Variants in PCDH15 observed in about 807,000 individuals in gnomAD.
PCDH15 encodes the protein protocadherin-15.
Under a neutral mutation model 178.5 loss-of-function variants are expected in PCDH15, and 129 were observed. The ratio of observed to expected loss-of-function variants is 0.72; its 90% CI spans 0.63 to 0.84. The LOEUF (loss-of-function observed/expected upper bound fraction) is 0.84. Among genes scored for constraint, PCDH15 ranks in the 40% least tolerant of loss-of-function variants. PCDH15 has a pLI of 0.00. For missense variants in PCDH15, 2,230 were observed against 2,099.9 expected (o/e 1.06, Z -1.21); for synonymous variants, 800 against 732.0 (o/e 1.09, Z -1.50).
intron 2 of PCDH15, among the ~76,000 whole-genome samples, chr10:55,336,568 A>C (rs1449608437): frequency 1.3e-5 from 2 of 152,190 alleles, no homozygotes; most frequent in Non-Finnish European, 1.5e-5. Flanking sequence ...TAAAACCTTT[A>C]TTCCAGAGGG....
rs1196654410 is a variant in PCDH15 at position 54,062,245 on chromosome 10, A to C, written c.2220+4512T>G. 1.0e-4 allele frequency among the ~76,000 whole-genome samples: 15 copies of C among 143,998 alleles called. No homozygotes were observed. The East Asian group carries it at 1.8e-3, about 17-fold the overall frequency. 94.5% of individuals were successfully genotyped at this position (143,998 alleles called of 152,430 possible). A position where few individuals can be genotyped will look rare whatever the true frequency, so the allele number is the denominator to read the frequency against. ...TCTGTCTCAAAAAAAAAAAAAAAAA[A>C]AAAAAAACAAAAAACAACTAAATGA... On this transcript the variant is annotated intron_variant, in intron 18 of 37. Coordinates refer to ENST00000644397, the MANE Select transcript of PCDH15 (RefSeq NM_001384140.1).
intron 17 of PCDH15, among the ~76,000 whole-genome samples, chr10:54,073,529 G>A (rs374127002): frequency 6.6e-6 from 1 of 152,068 alleles, no homozygotes. Flanking sequence ...ATATTGCCAT[G>A]TTTCAAAGAA....
intron 26 of PCDH15, among the ~76,000 whole-genome samples, chr10:53,888,304 A>ACATATATCTATATATG: frequency 1.1e-5 from 1 of 88,976 alleles, no homozygotes; most frequent in East Asian, 3.4e-4. Flanking sequence ...ATATATATAT[A>ACATATATCTATATATG]TATATGTATA....
At chr10:54,392,898 CAA>C (rs35154394) in intron 3 of PCDH15, among the ~76,000 whole-genome samples, 1,133 of 72,244 alleles carry the variant, frequency 0.016, 8 homozygotes, top group African/African-American at 0.04. Flanking sequence ...GACTCAGGCT[CAA>C]AAAAAAAAAA....
chr10:54,217,048 C>T (rs1456375909), intron 9 of PCDH15, among the ~76,000 whole-genome samples: 1 of 152,080 alleles, frequency 6.6e-6, no homozygotes, highest in Non-Finnish European at 1.5e-5. Context: ...GGAATACATA[C>T]ACACATTTAA....
At chr10:54,436,789 T>A (rs914398628) in intron 3 of PCDH15, among the ~76,000 whole-genome samples, 2 of 137,670 alleles carry the variant, frequency 1.5e-5, no homozygotes, top group African/African-American at 5.5e-5. Context: ...ACCACATAAT[T>A]TTATAACTAA....
chr10:54,020,473 G>T, intron 19 of PCDH15, 57 bp from the exon 20 acceptor site: 1 of 1,494,250 alleles, frequency 6.7e-7, no homozygotes, highest in Non-Finnish European at 9.3e-7. Context: ...AAGAAATGCA[G>T]GAAGGATGGA....
At chr10:54,888,789 CT>C (rs59914980) in intron 3 of PCDH15, among the ~76,000 whole-genome samples, 1,601 of 110,040 alleles carry the variant, frequency 0.015, 8 homozygotes, top group Middle Eastern at 0.022. Flanking sequence ...TTCATTTTTT[CT>C]TTTTTTTTTT....
intron 1 of PCDH15, among the ~76,000 whole-genome samples, chr10:54,750,492 A>C (rs937743837): frequency 5.9e-5 from 9 of 152,086 alleles, no homozygotes; most frequent in African/African-American, 2.2e-4. Context: ...GATGAATCAA[A>C]TCATAAAGAA....
At chr10:54,736,960 A>C (rs972046132) in intron 1 of PCDH15, among the ~76,000 whole-genome samples, 2 of 152,042 alleles carry the variant, frequency 1.3e-5, no homozygotes, top group African/African-American at 4.8e-5. Flanking sequence ...CAGGGGGGAC[A>C]AAATCATAGG....
At chr10:55,046,026 T>C (rs568257189) in intron 2 of PCDH15, among the ~76,000 whole-genome samples, 114 of 152,214 alleles carry the variant, frequency 7.5e-4, no homozygotes, top group African/African-American at 2.5e-3. Context: ...ATATTAACTT[T>C]AGTGAAATTC....
chr10:54,535,358 A>G (rs898782234), intron 2 of PCDH15, among the ~76,000 whole-genome samples: 2 of 152,174 alleles, frequency 1.3e-5, no homozygotes, highest in African/African-American at 4.8e-5. Flanking sequence ...TGGTCTATCA[A>G]CAACAGCAGA....
intron 1 of PCDH15, among the ~76,000 whole-genome samples, chr10:54,754,326 T>A (rs1361120605): frequency 6.6e-6 from 1 of 152,184 alleles, no homozygotes; most frequent in East Asian, 1.9e-4. Flanking sequence ...GAATTGGTGC[T>A]ATTCCTGGTC....
At chr10:55,280,883 T>G (rs931226663) in intron 1 of PCDH15, among the ~76,000 whole-genome samples, 3 of 152,178 alleles carry the variant, frequency 2.0e-5, no homozygotes, top group African/African-American at 7.2e-5. Context: ...TCCATTTATA[T>G]TTCATGCTGA....
At chr10:55,239,230 T>C (rs1389496879) in intron 1 of PCDH15, among the ~76,000 whole-genome samples, 1 of 152,194 alleles carries the variant, frequency 6.6e-6, no homozygotes, top group Non-Finnish European at 1.5e-5. Context: ...TATTCCAATA[T>C]GTATACGTAC....
At chr10:54,122,096 C>T (rs2041580513) in intron 15 of PCDH15, among the ~76,000 whole-genome samples, 2 of 151,190 alleles carry the variant, frequency 1.3e-5, no homozygotes, top group Non-Finnish European at 2.9e-5. Context: ...AACACAGACA[C>T]AAAAATTCTC....
intron 9 of PCDH15, among the ~76,000 whole-genome samples, chr10:54,225,145 C>T (rs547186203): frequency 8.5e-5 from 13 of 152,106 alleles, no homozygotes; most frequent in South Asian, 6.2e-4. Flanking sequence ...TTCAGGTATA[C>T]CTACACTAGA....
chr10:54,186,839 A>G (rs550869819), intron 11 of PCDH15, among the ~76,000 whole-genome samples: 8 of 152,006 alleles, frequency 5.3e-5, no homozygotes, highest in Non-Finnish European at 1.2e-4. Context: ...TTAAAAATAA[A>G]TTATGTATTT....
intron 3 of PCDH15, among the ~76,000 whole-genome samples, chr10:54,495,483 T>A (rs2080026745): frequency 6.6e-6 from 1 of 152,162 alleles, no homozygotes. Context: ...AAGTACTGAA[T>A]AAACAATATT....
Sources: allele counts gnomAD v4.1 joint callset (sites outside exome capture counted in the v4.1 genomes callset), GRCh38; gene constraint gnomAD v4.1.1; transcripts MANE v1.5; gene names NCBI Gene and HGNC (gene_info 2026-07-23, HGNC 2026-07-21).